Variants in ABCG5 observed in about 807,000 individuals in gnomAD.
ABCG5 encodes the protein ATP binding cassette subfamily G member 5, also known as ATP-binding cassette sub-family G member 5.
A neutral mutation model predicts 64.5 loss-of-function variants in ABCG5; 64 were observed. The ratio of observed to expected loss-of-function variants is 0.99; its 90% CI spans 0.81 to 1.22. The LOEUF (loss-of-function observed/expected upper bound fraction) is 1.22. Among genes scored for constraint, ABCG5 ranks in the 50% most tolerant of loss-of-function variants. ABCG5 has a pLI of 0.00. For missense variants in ABCG5, 908 were observed against 829.5 expected (o/e 1.09, Z -1.16); for synonymous variants, 385 against 326.3 (o/e 1.18, Z -1.94).
chr2:43,822,277 A>G (rs1249322801), intron 10 of ABCG5, among the ~76,000 whole-genome samples: 1 of 151,902 alleles, frequency 6.6e-6, no homozygotes, highest in Non-Finnish European at 1.5e-5. Flanking sequence ...CACCTCCTTT[A>G]ACCCCTGCAA....
At chr2:43,823,637 A>G (rs1000572273) in intron 9 of ABCG5, among the ~76,000 whole-genome samples, 1 of 152,146 alleles carries the variant, frequency 6.6e-6, no homozygotes, top group African/African-American at 2.4e-5. Context: ...GATAGGAGGA[A>G]TGATCTTTTG....
chr2:43,823,076 G>C, intron 9 of ABCG5, 141 bp from the exon 10 acceptor site: 1 of 1,111,142 alleles, frequency 9.0e-7, no homozygotes, highest in South Asian at 1.3e-5. Flanking sequence ...AGAAGGAGGG[G>C]ACCTGCCATC....
chr2:43,826,045 G>A lies in ABCG5; in HGVS notation c.774+337C>T, dbSNP rs200383793. Among the ~76,000 whole-genome samples, 4 of 152,168 alleles carry A rather than the reference G, an allele frequency of 2.6e-5. No homozygotes were observed. The East Asian group carries it at 5.8e-4, about 22-fold the overall frequency. ...GGCTAGAGTGCAATGGCATGATCAC[G>A]ACTCCCTGCAGCCTTGACCTACTGG... On this transcript the variant is annotated intron_variant, in intron 6 of 12. Transcript: ENST00000405322.
chr2:43,829,247 C>G (rs1339691168), intron 4 of ABCG5, among the ~76,000 whole-genome samples: 1 of 152,168 alleles, frequency 6.6e-6, no homozygotes, highest in African/African-American at 2.4e-5. Context: ...AAACCTGTTT[C>G]CCACTGTATA....
At chr2:43,832,395 A>T (rs1379631947) in intron 2 of ABCG5, 1 of 508,078 alleles carries the variant, frequency 2.0e-6, no homozygotes, top group Non-Finnish European at 3.6e-6. Flanking sequence ...ACTGTTTTGG[A>T]TTGAAAAACA....
At position 43,837,366 on chromosome 2, in the gene ABCG5, T is replaced by C. The variant is rs1668343141; in HGVS notation, c.265+468A>G. 2.0e-5 allele frequency among the ~76,000 whole-genome samples: 3 copies of C among 152,052 alleles called. No homozygotes were observed. In the South Asian group the frequency reaches 6.2e-4, roughly 32 times the overall value. On this transcript the variant is annotated intron_variant, in intron 2 of 12. Coordinates refer to ENST00000405322, the MANE Select transcript of ABCG5 (RefSeq NM_022436.3). ...GAACTCCTGGGCTCAAGCAATCCTC[T>C]CACCTCAGCCTCTCAAGCTGCTGGG...
At chr2:43,834,511 T>A (rs1668140632) in intron 2 of ABCG5, among the ~76,000 whole-genome samples, 1 of 152,260 alleles carries the variant, frequency 6.6e-6, no homozygotes, top group African/African-American at 2.4e-5. Context: ...GGATACTTTT[T>A]TTTTTATAAT....
chr2:43,838,626 G>C lies in ABCG5; in HGVS notation c.54C>G (p.Asn18Lys). 6.2e-7 allele frequency: 1 copy of C among 1,613,360 alleles called. No individual in the cohort carries two copies. The highest frequency in any genetic ancestry group is 8.5e-7 in the Non-Finnish European group (1 of 1,179,884). Residue 18 changes from asparagine to lysine, a missense_variant, in exon 1 of 13, where the codon AAC becomes AAG. Asn to Lys is a moderately conservative substitution (Grantham distance 94). Coordinates refer to ENST00000405322, the MANE Select transcript of ABCG5 (RefSeq NM_022436.3). This position sits in a 1 kb window ranked among gnomAD's most constrained non-coding sequence, Gnocchi z 4.2. ...TPGGSMGLQV[N>K]RGSQSSLEGA... ...CCTCCAGGGAGCTCTGGGAGCCTCT[G>C]TTTACTTGGAGACCCATGGACCCTC...
intron 6 of ABCG5, among the ~76,000 whole-genome samples, chr2:43,825,261 C>T (rs773160445): frequency 6.6e-5 from 10 of 152,294 alleles, no homozygotes; most frequent in Middle Eastern, 3.4e-3. Flanking sequence ...GTGGGTCATG[C>T]TGCCTCCCAT....
chr2:43,807,263 G>A, the ABCG5 span, among the ~76,000 whole-genome samples: 5 of 151,974 alleles, frequency 3.3e-5, no homozygotes, highest in African/African-American at 1.2e-4. Context: ...AGGGTCTTTC[G>A]TGATTAGCCC....
intron 4 of ABCG5, among the ~76,000 whole-genome samples, chr2:43,830,137 A>G (rs1202703403): frequency 6.6e-6 from 1 of 152,136 alleles, no homozygotes; most frequent in Admixed American, 6.5e-5. Flanking sequence ...CCTGGCTTGG[A>G]AGAGATGGAC....
intron 11 of ABCG5, among the ~76,000 whole-genome samples, chr2:43,814,964 T>C (rs949686417): frequency 6.6e-5 from 10 of 152,224 alleles, no homozygotes; most frequent in African/African-American, 1.9e-4. Flanking sequence ...TGGTGGCCTG[T>C]TATAGTGAAG....
chr2:43,828,232 C>G, intron 4 of ABCG5, 117 bp from the exon 5 acceptor site: 1 of 1,359,578 alleles, frequency 7.4e-7, no homozygotes, highest in South Asian at 1.2e-5. Flanking sequence ...AGGGCCACTT[C>G]CAGACTCACC....
At chr2:43,836,334 G>T (rs899027705) in intron 2 of ABCG5, among the ~76,000 whole-genome samples, 7 of 152,142 alleles carry the variant, frequency 4.6e-5, no homozygotes, top group Non-Finnish European at 8.8e-5. Context: ...TGAGTCTAAG[G>T]AGGCTGACCA....
At chr2:43,828,856 C>CT (rs780396245) in intron 4 of ABCG5, among the ~76,000 whole-genome samples, 2 of 138,914 alleles carry the variant, frequency 1.4e-5, no homozygotes, top group South Asian at 2.4e-4. Context: ...ATCCCAGCTA[C>CT]TCGGAGGCTA....
chr2:43,822,017 T>C (rs1667240498), intron 10 of ABCG5, among the ~76,000 whole-genome samples: 1 of 152,182 alleles, frequency 6.6e-6, no homozygotes, highest in Non-Finnish European at 1.5e-5. Flanking sequence ...TTTGGCTGCA[T>C]TTTCATCTAC....
At chr2:43,821,084 C>T (rs1412159452) in intron 10 of ABCG5, among the ~76,000 whole-genome samples, 1 of 152,180 alleles carries the variant, frequency 6.6e-6, no homozygotes, top group Non-Finnish European at 1.5e-5. Flanking sequence ...GCTCTTTATC[C>T]CATTTGTAGA....
At chr2:43,814,245 C>G (rs925131793) in intron 12 of ABCG5, among the ~76,000 whole-genome samples, 1 of 152,196 alleles carries the variant, frequency 6.6e-6, no homozygotes, top group African/African-American at 2.4e-5. Context: ...CTGTCATTTT[C>G]TAACAACATC....
At chr2:43,830,189 C>G (rs1385081569) in intron 4 of ABCG5, among the ~76,000 whole-genome samples, 1 of 152,182 alleles carries the variant, frequency 6.6e-6, no homozygotes, top group African/African-American at 2.4e-5. Flanking sequence ...GTTTCACACC[C>G]CAGCAGGAAT....
Sources: allele counts gnomAD v4.1 joint callset (sites outside exome capture counted in the v4.1 genomes callset), GRCh38; gene constraint gnomAD v4.1.1; non-coding constraint Gnocchi (gnomAD v3.1); transcripts MANE v1.5; gene names NCBI Gene and HGNC (gene_info 2026-07-23, HGNC 2026-07-21).